The following FRYL variants were observed in gnomAD, a reference collection of about 807,000 sequenced individuals.
The protein encoded by FRYL is FRY like transcription coactivator.
FRYL carries 150 observed loss-of-function variants against 351.2 expected under a neutral mutation model. The observed-to-expected ratio is 0.43, with a 90% CI of 0.37 to 0.49. FRYL has a LOEUF of 0.49. Ranked by LOEUF, FRYL falls within the 20% of genes least tolerant of loss-of-function variation. The probability of loss-of-function intolerance (pLI) is 0.00; values close to 1 mark genes in which losing one functional copy is unlikely to be tolerated. For missense variants in FRYL, 3,036 were observed against 3,619.3 expected (o/e 0.84, Z 4.13); for synonymous variants, 1,153 against 1,257.1 (o/e 0.92, Z 1.75).
In FRYL at chr4:48,619,266, G is replaced by C. The variant is rs192746901; in HGVS notation, c.411+8C>G. ...GAATACAGACTTTGCAGAAATAAAA[G>C]AGCTTACCTGCTTTAGAACTTCAAC... On this transcript the variant is annotated splice_region_variant and intron_variant, in intron 7 of 63. Transcript: ENST00000358350. 1.3e-6 allele frequency: 2 copies of C among 1,569,836 alleles called. No individual in the cohort carries two copies. Among genetic ancestry groups the C allele is most frequent in the South Asian group, 2.2e-5 (2 of 89,248 alleles).
rs955979952 is a variant in FRYL at position 48,546,418 on chromosome 4, T to A, written c.5075-147A>T. 9.3e-6 allele frequency: 6 copies of A among 648,320 alleles called. No homozygotes were observed. The African/African-American group carries it at 1.1e-4, about 12-fold the overall frequency. The allele number at this position is 648,320 out of a possible 1,614,324, so 40.2% of individuals were successfully genotyped here. On this transcript the variant is annotated intron_variant, in intron 41 of 63. Transcript: ENST00000358350. ...TGATGTGAATCAGTGCTCCTGCTGA[T>A]CCTCATGAACACCAAATTACAGCAA...
Position 48,548,791 on chromosome 4 carries a change from C to T in FRYL, c.4787G>A (p.Cys1596Tyr). 1 of 1,562,188 alleles carries T rather than the reference C, an allele frequency of 6.4e-7. No homozygotes were observed. Among genetic ancestry groups the T allele is most frequent in the Non-Finnish European group, 8.8e-7 (1 of 1,142,202 alleles). The change falls in exon 40 of 64, where the codon TGT (cysteine) becomes TAT (tyrosine). Residue 1596 changes from cysteine (C) to tyrosine (Y), a missense_variant and splice_region_variant. Physicochemically the swap from Cys to Tyr is radical, Grantham distance 194 (BLOSUM62 -2). This residue lies in a region of FRYL where 1,987 missense variants were observed against 2,311.7 expected (regional missense o/e 0.86). Coordinates refer to ENST00000358350, the MANE Select transcript of FRYL (RefSeq NM_015030.2). ...AGTCAAAAGGATCACTGCTATGTTA[C>T]ACCTATGACAAATAAGAGTTTCATT... is the stretch of plus-strand genomic sequence containing the variant. ...TSSPGLPLHR[C>Y]NIAVILLTDL...
chr4:48,638,088 C>T (rs998681774), intron 3 of FRYL: 2 of 151,910 alleles, frequency 1.3e-5, no homozygotes, highest in Admixed American at 6.6e-5. Context: ...AATAACCACA[C>T]TGAAGTCTGT....
At chr4:48,702,195 C>T (rs1766800611) in intron 2 of FRYL, among the ~76,000 whole-genome samples, 1 of 152,038 alleles carries the variant, frequency 6.6e-6, no homozygotes, top group Admixed American at 6.5e-5. Flanking sequence ...GTGGCTCATG[C>T]CTGTAATCCC....
Position 48,499,220 on chromosome 4 carries a change from T to C in FRYL, c.*202A>G, listed in dbSNP as rs1470523003. On this transcript the variant is annotated 3_prime_UTR_variant, in exon 64 of 64. Coordinates refer to ENST00000358350, the MANE Select transcript of FRYL (RefSeq NM_015030.2). The stretch of plus-strand genomic sequence containing the variant: ...AAATTCCTTCTTCACGCAGTTATTG[T>C]GGGAGATATTGGCAGCTGTTAAAAT... The C allele has an allele frequency of 1.8e-6, 1 of 550,832 alleles. No homozygotes were observed. Among genetic ancestry groups the C allele is most frequent in the African/African-American group, 1.9e-5 (1 of 53,000 alleles). The allele number at this position is 550,832 out of a possible 1,614,324, so 34.1% of individuals were successfully genotyped here.
chr4:48,602,704 T>C (rs1466111268), intron 12 of FRYL, among the ~76,000 whole-genome samples: 1 of 152,172 alleles, frequency 6.6e-6, no homozygotes, highest in Non-Finnish European at 1.5e-5. Flanking sequence ...AAAAGTTATG[T>C]GAAATAGACA....
intron 59 of FRYL, chr4:48,506,640 A>AAC (rs1372680190): frequency 1.5e-5 from 1 of 68,718 alleles, no homozygotes; most frequent in African/African-American, 4.1e-5. Context: ...ATATATATAT[A>AAC]TATATATATA....
At chr4:48,596,855 C>CTTT (rs1347504479) in intron 13 of FRYL, among the ~76,000 whole-genome samples, 4 of 142,762 alleles carry the variant, frequency 2.8e-5, no homozygotes, top group African/African-American at 7.7e-5. Context: ...TAATAATCTC[C>CTTT]TTTTTTTTTT....
intron 3 of FRYL, among the ~76,000 whole-genome samples, chr4:48,644,710 C>T (rs375972796): frequency 2.6e-5 from 4 of 151,920 alleles, no homozygotes; most frequent in East Asian, 1.9e-4. Flanking sequence ...AACCAATGTC[C>T]AGATGGACAT....
At position 48,534,552 on chromosome 4, in the gene FRYL, T is replaced by C; in HGVS notation, c.6698A>G (p.Tyr2233Cys). 6.2e-7 allele frequency: 1 copy of C among 1,611,636 alleles called. No individual in the cohort carries two copies. The highest frequency in any genetic ancestry group is 8.5e-7 in the Non-Finnish European group (1 of 1,178,774). ...NLEIIKIIGK[Y>C]VQSPYWKEAL... ...AGTTTTGTGGTCACTCACCTGTACA[T>C]ATTTGCCAATAATCTTTATGATCTC... The change falls in exon 49 of 64, where the codon TAT (tyrosine) becomes TGT (cysteine). Residue 2233 changes from tyrosine (Y) to cysteine (C), a missense_variant. Around this residue, in one of 7 missense-constraint regions of FRYL, gnomAD observed 1,987 missense variants for 2,311.7 expected, o/e 0.86. Transcript: ENST00000358350.
chr4:48,533,016 G>A (rs1228670029), intron 49 of FRYL, among the ~76,000 whole-genome samples: 1 of 152,116 alleles, frequency 6.6e-6, no homozygotes, highest in Non-Finnish European at 1.5e-5. Flanking sequence ...TTCTCTTAAA[G>A]TGAGAAGTCT....
chr4:48,629,347 G>C (rs1752519224), intron 4 of FRYL, among the ~76,000 whole-genome samples: 1 of 152,006 alleles, frequency 6.6e-6, no homozygotes, highest in Non-Finnish European at 1.5e-5. Context: ...TAAAACAAAA[G>C]AACAAAAAGG....
At chr4:48,673,808 A>G (rs1214977341) in intron 3 of FRYL, among the ~76,000 whole-genome samples, 1 of 152,224 alleles carries the variant, frequency 6.6e-6, no homozygotes. Flanking sequence ...GTGAGCAACT[A>G]TTATGTCCCA....
intron 1 of FRYL, among the ~76,000 whole-genome samples, chr4:48,715,073 C>A (rs892579311): frequency 1.3e-5 from 2 of 152,116 alleles, no homozygotes; most frequent in African/African-American, 4.8e-5. Context: ...AATTCAATAA[C>A]CCTTCATGCT....
intron 2 of FRYL, among the ~76,000 whole-genome samples, chr4:48,695,247 T>A (rs1766043587): frequency 6.6e-6 from 1 of 152,176 alleles, no homozygotes; most frequent in Non-Finnish European, 1.5e-5. Flanking sequence ...ACTGTGATCC[T>A]CTAAAGGGTA....
chr4:48,527,082 A>G (rs1372894090), intron 53 of FRYL, among the ~76,000 whole-genome samples: 2 of 152,198 alleles, frequency 1.3e-5, no homozygotes, highest in Non-Finnish European at 2.9e-5. Flanking sequence ...GTATATGTAC[A>G]TGAGAGTTGA....
In FRYL at chr4:48,575,181, C is replaced by A; in HGVS notation, c.2782G>T (p.Glu928Ter). Residue 928 changes from glutamate (E) to a stop codon, truncating the protein, a stop_gained, in exon 25 of 64, where the codon GAG becomes TAG. Coordinates refer to ENST00000358350, the MANE Select transcript of FRYL (RefSeq NM_015030.2). LOFTEE classifies it high-confidence loss of function. ...FKHIVPMMRS[E>*]SMEITESLVL... The stretch of plus-strand genomic sequence containing the variant: ...AGGGATTCTGTGATTTCCATGCTCT[C>A]AGAACGCATCATTGGAACTATGTGC... The A allele has an allele frequency of 1.2e-6, 2 of 1,613,932 alleles. No individual in the cohort carries two copies. Among genetic ancestry groups the A allele is most frequent in the Non-Finnish European group, 1.7e-6 (2 of 1,179,850 alleles).
intron 2 of FRYL, among the ~76,000 whole-genome samples, chr4:48,685,694 T>C (rs1765079331): frequency 1.3e-5 from 2 of 152,132 alleles, no homozygotes; most frequent in Non-Finnish European, 2.9e-5. Context: ...CCACAGGGAA[T>C]TGGGAATTGT....
chr4:48,530,865 T>C (rs1367018706), intron 50 of FRYL, among the ~76,000 whole-genome samples: 1 of 152,210 alleles, frequency 6.6e-6, no homozygotes, highest in Non-Finnish European at 1.5e-5. Flanking sequence ...GCACTTTTAA[T>C]GTATTCCAGC....
Sources: gnomAD v4.1 joint callset for allele counts (sites outside exome capture counted in the v4.1 genomes callset) on GRCh38, gnomAD v4.1.1 for gene constraint, gnomAD v4.1.1 regional missense constraint, MANE v1.5 for transcripts, NCBI Gene and HGNC (gene_info 2026-07-23, HGNC 2026-07-21) for gene names.